The following DLC1 variants were observed in gnomAD, a reference collection of about 807,000 sequenced individuals.
DLC1 encodes rho GTPase-activating protein 7.
DLC1 carries 54 observed loss-of-function variants against 140.3 expected under a neutral mutation model. That is an observed-to-expected ratio of 0.38 (90% CI 0.31 to 0.48). The LOEUF (loss-of-function observed/expected upper bound fraction) is 0.48. Ranked by LOEUF, DLC1 falls within the 20% of genes least tolerant of loss-of-function variation. The pLI is 0.96. For synonymous variants in DLC1, 986 were observed against 728.1 expected, an observed-to-expected ratio of 1.35 and a Z score of -5.70; for missense variants, 2,536 against 1,907.0, an observed-to-expected ratio of 1.33 and a Z score of -6.14.
chr8:13,083,738 G>A lies in DLC1; in HGVS notation c.*2073C>T, dbSNP rs568361521. 1.3e-5 allele frequency: 2 copies of A among 152,576 alleles called. No homozygotes were observed. Among genetic ancestry groups the A allele is most frequent in the Non-Finnish European group, 2.9e-5 (2 of 68,056 alleles). 9.5% of individuals were successfully genotyped at this position (152,576 alleles called of 1,614,324 possible). On this transcript the variant is annotated 3_prime_UTR_variant, in exon 18 of 18. Coordinates refer to ENST00000276297, the MANE Select transcript of DLC1 (RefSeq NM_182643.3). ...TCCGTGCTTCCTGAACCTTCACCAG[G>A]GTTTCCTGTTTGGGAGTGGGTGGCT...
chr8:13,428,817 G>A (rs906721993), intron 2 of DLC1, among the ~76,000 whole-genome samples: 10 of 152,140 alleles, frequency 6.6e-5, no homozygotes, highest in East Asian at 5.8e-4. Context: ...TAGGTGGCCC[G>A]AGGGTGTTCT....
chr8:13,316,466 C>G (rs776134167), intron 4 of DLC1, among the ~76,000 whole-genome samples: 4 of 151,924 alleles, frequency 2.6e-5, no homozygotes, highest in Non-Finnish European at 5.9e-5. Context: ...ACTTTCTTAA[C>G]CCTCAAAAGT....
intron 5 of DLC1, among the ~76,000 whole-genome samples, chr8:13,219,322 A>G (rs1394863438): frequency 7.3e-6 from 1 of 137,462 alleles, no homozygotes; most frequent in South Asian, 2.3e-4. Context: ...GAATAGTTAT[A>G]TTCATATAAT....
Position 13,092,662 on chromosome 8 carries a change from C to T in DLC1, c.3690G>A (p.Ala1230=), listed in dbSNP as rs144644763. 7.4e-5 allele frequency: 119 copies of T among 1,614,042 alleles called. No individual in the cohort carries two copies. Among genetic ancestry groups the T allele is most frequent in the Non-Finnish European group, 9.4e-5 (111 of 1,180,038 alleles). ...MTPTNLAVCL[A]PSLFHLNTLK... ...GGGTGTTGAGATGGAAGAGGGAAGG[C>T]GCTAAGCACACGGCCAGGTTGGTTG... The change falls in exon 13 of 18, where the codon GCG becomes GCA. Residue 1230 remains alanine (A), a synonymous_variant. Coordinates refer to ENST00000276297, the MANE Select transcript of DLC1 (RefSeq NM_182643.3).
chr8:13,567,257 A>G (rs368232086), intron 1 of DLC1: 3 of 1,551,652 alleles, frequency 1.9e-6, no homozygotes, highest in Non-Finnish European at 2.6e-6. Flanking sequence ...AAATGGATCA[A>G]CTACCTCAAG....
intron 5 of DLC1, among the ~76,000 whole-genome samples, chr8:13,291,172 G>T (rs944916525): frequency 6.6e-6 from 1 of 152,214 alleles, no homozygotes; most frequent in East Asian, 1.9e-4. Flanking sequence ...GCCTCCCAAA[G>T]TGCTGGGATT....
rs896629350 is a variant in DLC1 at position 13,214,345 on chromosome 8, G to A, written c.1348+90924C>T. On this transcript the variant is annotated intron_variant, in intron 5 of 17. Coordinates refer to ENST00000276297, the MANE Select transcript of DLC1 (RefSeq NM_182643.3). ...CTTACATTGTTTCCCGGGTTCTTTA[G>A]GAAAGTTTCCCTTTTAGCTTTCGGG... The A allele has an allele frequency of 8.5e-5, 27 of 316,246 alleles. No homozygotes were observed. The East Asian group carries it at 1.3e-3, about 16-fold the overall frequency. The allele number at this position is 316,246 out of a possible 1,614,324, so 19.6% of individuals were successfully genotyped here.
intron 5 of DLC1, among the ~76,000 whole-genome samples, chr8:13,115,885 A>T (rs1820516118): frequency 6.6e-6 from 1 of 152,154 alleles, no homozygotes; most frequent in African/African-American, 2.4e-5. Flanking sequence ...AAAAAATAGA[A>T]ATGGGGTCCT....
chr8:13,155,703 C>G (rs937344392), intron 5 of DLC1, among the ~76,000 whole-genome samples: 1 of 152,020 alleles, frequency 6.6e-6, no homozygotes, highest in Non-Finnish European at 1.5e-5. Flanking sequence ...AGAATTACCC[C>G]CAAATCTGAG....
intron 5 of DLC1, among the ~76,000 whole-genome samples, chr8:13,203,986 C>A (rs147475572): frequency 2.0e-5 from 3 of 152,182 alleles, no homozygotes; most frequent in Admixed American, 2.0e-4. Context: ...GCATTAGTAA[C>A]TTCTTGGGTC....
chr8:13,599,768 G>A (rs1335483484), intron 1 of DLC1, among the ~76,000 whole-genome samples: 2 of 151,898 alleles, frequency 1.3e-5, no homozygotes, highest in Admixed American at 1.3e-4. Context: ...GAATGGACAA[G>A]TTGATTCTCA....
chr8:13,232,323 T>A (rs1308880535), intron 5 of DLC1, among the ~76,000 whole-genome samples: 5 of 151,926 alleles, frequency 3.3e-5, no homozygotes, highest in Non-Finnish European at 7.4e-5. Context: ...CATTCCAACC[T>A]GATGATTCTG....
intron 1 of DLC1, among the ~76,000 whole-genome samples, chr8:13,583,174 A>G (rs7836004): frequency 0.34 from 51,269 of 151,698 alleles, 9,604 homozygotes; most frequent in South Asian, 0.53. Flanking sequence ...TTTATGAAAG[A>G]TTTCCCTGCA....
intron 1 of DLC1, among the ~76,000 whole-genome samples, chr8:13,578,050 A>ATGTT (rs951318912): frequency 2.6e-5 from 4 of 152,042 alleles, no homozygotes; most frequent in African/African-American, 9.7e-5. Context: ...CACACTCAAC[A>ATGTT]ATTTGTTTTT....
intron 4 of DLC1, among the ~76,000 whole-genome samples, chr8:13,332,699 G>A (rs1020683432): frequency 2.0e-5 from 3 of 152,044 alleles, no homozygotes; most frequent in African/African-American, 4.8e-5. Context: ...TCCCAGAGAC[G>A]TGAGCCACCA....
At position 13,423,210 on chromosome 8, in the gene DLC1, G is replaced by A. The variant is rs114434261; in HGVS notation, c.1024-21591C>T. Among the ~76,000 whole-genome samples the A allele has an allele frequency of 7.2e-3, 1,092 of 152,114 alleles. 18 individuals carry two copies. Among genetic ancestry groups the A allele is most frequent in the African/African-American group, 0.024 (989 of 41,508 alleles). ...TTCACTCACCATTTGTCTTTTCCAGGTCTTCATTATTATATTTTTAGAAGG... is the reference window on the plus strand; with the variant it reads ...TTCACTCACCATTTGTCTTTTCCAGATCTTCATTATTATATTTTTAGAAGG... On this transcript the variant is annotated intron_variant, in intron 2 of 17. Coordinates refer to ENST00000276297, the MANE Select transcript of DLC1 (RefSeq NM_182643.3).
chr8:13,240,225 C>G (rs769768075), intron 5 of DLC1, among the ~76,000 whole-genome samples: 5 of 152,104 alleles, frequency 3.3e-5, no homozygotes, highest in Admixed American at 1.3e-4. Flanking sequence ...TAGTAGTGTC[C>G]TCCTCTAAAC....
chr8:13,115,892 T>C (rs925182583), intron 5 of DLC1, among the ~76,000 whole-genome samples: 4 of 152,112 alleles, frequency 2.6e-5, no homozygotes, highest in Non-Finnish European at 5.9e-5. Context: ...AGAAATGGGG[T>C]CCTGAGAGTA....
At chr8:13,549,467 A>T (rs1803772330) in intron 1 of DLC1, among the ~76,000 whole-genome samples, 1 of 152,156 alleles carries the variant, frequency 6.6e-6, no homozygotes, top group East Asian at 1.9e-4. Flanking sequence ...CCCTCCAATT[A>T]CATTTTCACC....
Sources: allele counts gnomAD v4.1 joint callset (sites outside exome capture counted in the v4.1 genomes callset), GRCh38; gene constraint gnomAD v4.1.1; transcripts MANE v1.5; gene names NCBI Gene and HGNC (gene_info 2026-07-23, HGNC 2026-07-21).